The following CADM1 variants were observed in gnomAD, a reference collection of about 807,000 sequenced individuals.
The protein encoded by CADM1 is cell adhesion molecule 1, also known as TSLC-1.
In CADM1, 15 loss-of-function variants were observed where a neutral mutation model predicts 53.1. The observed-to-expected ratio is 0.28, with a 90% CI of 0.19 to 0.44. The LOEUF (loss-of-function observed/expected upper bound fraction) is 0.44. Ranked by LOEUF, CADM1 falls within the 20% of genes least tolerant of loss-of-function variation. The probability of loss-of-function intolerance (pLI) is 1.00; values close to 1 mark genes in which losing one functional copy is unlikely to be tolerated. For missense variants in CADM1, 434 were observed against 611.3 expected (o/e 0.71, Z 3.06); for synonymous variants, 281 against 243.0 (o/e 1.16, Z -1.45).
intron 8 of CADM1, among the ~76,000 whole-genome samples, chr11:115,204,478 T>C (rs1458548241): frequency 2.0e-5 from 3 of 152,204 alleles, no homozygotes; most frequent in African/African-American, 7.2e-5. Context: ...GTACATATTA[T>C]GGGCACTCAA....
chr11:115,262,481 C>A (rs184557300), intron 1 of CADM1, among the ~76,000 whole-genome samples: 5 of 152,182 alleles, frequency 3.3e-5, no homozygotes, highest in Admixed American at 6.5e-5. Context: ...AGGTTAAGTG[C>A]CTCTCCTGTG....
In CADM1 at chr11:115,502,140, G is replaced by C. The variant is rs916055533; in HGVS notation, c.124+2131C>G. On this transcript the variant is annotated intron_variant, in intron 1 of 11. Coordinates refer to ENST00000331581, the MANE Select transcript of CADM1 (RefSeq NM_001301043.2). Reference sequence around the variant, plus strand: ...TAAGTCAGCATATATCCCTCGCAGGGAAGGCAACTTCTCACCGCGAGATAG... The same window carrying C: ...TAAGTCAGCATATATCCCTCGCAGGCAAGGCAACTTCTCACCGCGAGATAG... Among the ~76,000 whole-genome samples, 19 of 152,190 alleles carry C rather than the reference G, an allele frequency of 1.2e-4. No individual in the cohort carries two copies. In the South Asian group the frequency reaches 2.5e-3, roughly 20 times the overall value.
intron 1 of CADM1, among the ~76,000 whole-genome samples, chr11:115,242,638 G>T (rs996847565): frequency 2.0e-5 from 3 of 152,134 alleles, no homozygotes; most frequent in Admixed American, 1.3e-4. Context: ...CATAGGACTT[G>T]CTTTGAGTAG....
At chr11:115,208,166 G>A (rs1287442809) in intron 8 of CADM1, among the ~76,000 whole-genome samples, 1 of 152,204 alleles carries the variant, frequency 6.6e-6, no homozygotes, top group Non-Finnish European at 1.5e-5. Flanking sequence ...CAGCCTGGTT[G>A]GAGCTGAGTT....
intron 1 of CADM1, among the ~76,000 whole-genome samples, chr11:115,262,414 T>C (rs1459485969): frequency 6.6e-6 from 1 of 152,194 alleles, no homozygotes; most frequent in Non-Finnish European, 1.5e-5. Flanking sequence ...GATTAAACAA[T>C]AGGCTTACTT....
chr11:115,454,436 T>C (rs1348493048), intron 1 of CADM1, among the ~76,000 whole-genome samples: 1 of 152,214 alleles, frequency 6.6e-6, no homozygotes, highest in Non-Finnish European at 1.5e-5. Context: ...ATTCCTCCTC[T>C]TGGGACAGAA....
At chr11:115,238,783 A>T in intron 2 of CADM1, 131 bp from the exon 3 acceptor site, 1 of 863,966 alleles carries the variant, frequency 1.2e-6, no homozygotes, top group Non-Finnish European at 1.9e-6. Flanking sequence ...CAGTAACTTC[A>T]TGTAGACAAA....
intron 3 of CADM1, among the ~76,000 whole-genome samples, chr11:115,237,984 G>A (rs1179302385): frequency 6.6e-6 from 1 of 152,152 alleles, no homozygotes; most frequent in Non-Finnish European, 1.5e-5. Context: ...ATATGTTCAT[G>A]GAGTATGATT....
At chr11:115,332,652 A>C (rs1945161928) in intron 1 of CADM1, among the ~76,000 whole-genome samples, 1 of 152,082 alleles carries the variant, frequency 6.6e-6, no homozygotes, top group Admixed American at 6.6e-5. Flanking sequence ...CACATCTAAG[A>C]ATGGAGAAGA....
chr11:115,404,856 A>G (rs962672947), intron 1 of CADM1, among the ~76,000 whole-genome samples: 2 of 151,460 alleles, frequency 1.3e-5, no homozygotes, highest in Non-Finnish European at 2.9e-5. Context: ...AAAAAAAAAA[A>G]AAAAAAAAGA....
At position 115,213,891 on chromosome 11, in the gene CADM1, C is replaced by T. The variant is rs530345355; in HGVS notation, c.994+717G>A. ...ATATTATAAAACTAGAGAGGAGGTG[C>T]ACATCTCAACTAAATAGAAAATATT... On this transcript the variant is annotated intron_variant, in intron 7 of 11. Transcript: ENST00000331581. 2.6e-5 allele frequency among the ~76,000 whole-genome samples: 4 copies of T among 152,212 alleles called. No individual in the cohort carries two copies. The East Asian group carries it at 7.7e-4, about 29-fold the overall frequency.
intron 1 of CADM1, among the ~76,000 whole-genome samples, chr11:115,473,155 T>C (rs1349270873): frequency 6.6e-6 from 1 of 152,176 alleles, no homozygotes; most frequent in Non-Finnish European, 1.5e-5. Flanking sequence ...TCATCAGTAA[T>C]CTGAGGTTTA....
At position 115,169,476 on chromosome 11, in the gene CADM1, T is replaced by C. The variant is rs1406377743; in HGVS notation, c.*6998A>G. 2 of 406,670 alleles carry C rather than the reference T, an allele frequency of 4.9e-6. No homozygotes were observed. The highest frequency in any genetic ancestry group is 9.8e-6 in the Non-Finnish European group (2 of 203,842). 25.2% of individuals were successfully genotyped at this position (406,670 alleles called of 1,614,324 possible). On this transcript the variant is annotated 3_prime_UTR_variant, in exon 12 of 12. Transcript: ENST00000331581. ...GCAGCAATGGGCTTTGGCAGGGAAG[T>C]AGGAGCAAAAAACCCAAGTAGGACA...
chr11:115,259,247 A>G (rs1219243508), intron 1 of CADM1, among the ~76,000 whole-genome samples: 1 of 149,792 alleles, frequency 6.7e-6, no homozygotes, highest in Non-Finnish European at 1.5e-5. Context: ...CAGGCTCCCA[A>G]AGTGCTGGAA....
chr11:115,474,035 C>T (rs1466917634), intron 1 of CADM1, among the ~76,000 whole-genome samples: 3 of 151,868 alleles, frequency 2.0e-5, no homozygotes, highest in African/African-American at 7.3e-5. Context: ...GTGGCTCACA[C>T]CTGTAATCCA....
At chr11:115,242,920 T>C (rs977584183) in intron 1 of CADM1, among the ~76,000 whole-genome samples, 1 of 152,208 alleles carries the variant, frequency 6.6e-6, no homozygotes, top group Non-Finnish European at 1.5e-5. Context: ...TAGCTCTTTA[T>C]TGAAATCCTA....
At chr11:115,239,540 G>T (rs1942141659) in intron 2 of CADM1, among the ~76,000 whole-genome samples, 1 of 152,144 alleles carries the variant, frequency 6.6e-6, no homozygotes, top group Non-Finnish European at 1.5e-5. Context: ...AAGAAAAGAA[G>T]CTGGCTTATT....
intron 1 of CADM1, among the ~76,000 whole-genome samples, chr11:115,441,020 T>C (rs1020080240): frequency 6.6e-5 from 10 of 151,992 alleles, no homozygotes; most frequent in Non-Finnish European, 1.3e-4. Flanking sequence ...GTTCAGGTGA[T>C]CCTACCACCT....
intron 1 of CADM1, among the ~76,000 whole-genome samples, chr11:115,444,392 G>C (rs12801130): frequency 0.25 from 37,556 of 152,064 alleles, 5,831 homozygotes; most frequent in Non-Finnish European, 0.36. Context: ...ATTGGTCCTG[G>C]AGCTGTATAA....
Sources: gnomAD v4.1 joint callset for allele counts (sites outside exome capture counted in the v4.1 genomes callset) on GRCh38, gnomAD v4.1.1 for gene constraint, MANE v1.5 for transcripts, NCBI Gene and HGNC (gene_info 2026-07-23, HGNC 2026-07-21) for gene names.